The following VPS13B variants were observed in gnomAD, a reference collection of about 807,000 sequenced individuals.
VPS13B encodes the protein intermembrane lipid transfer protein VPS13B.
In VPS13B, 285 loss-of-function variants were observed where a neutral mutation model predicts 426.4. That is an observed-to-expected ratio of 0.67 (90% CI 0.61 to 0.74). The LOEUF (loss-of-function observed/expected upper bound fraction) is 0.74, where lower values mean the gene tolerates loss of function less well. Among genes scored for constraint, VPS13B ranks in the 30% least tolerant of loss-of-function variants. VPS13B has a pLI of 0.00. For missense variants in VPS13B, 4,537 were observed against 4,782.6 expected, an observed-to-expected ratio of 0.95 and a Z score of 1.51; for synonymous variants, 1,676 against 1,676.4, an observed-to-expected ratio of 1.00 and a Z score of 0.01.
rs766373133 is a variant in VPS13B, at chr8:99,193,014, C to T, written c.2472C>T (p.Ser824=). 7.2e-5 allele frequency: 116 copies of T among 1,613,536 alleles called. No individual in the cohort carries two copies. The highest frequency in any genetic ancestry group is 3.3e-4 in the Middle Eastern group (2 of 6,078). Residue 824 remains serine, a synonymous_variant, in exon 17 of 62, where the codon TCC becomes TCT. Coordinates refer to ENST00000357162, the MANE Select transcript of VPS13B (RefSeq NM_152564.5). ...CTCATCTTGGAAATGTCAGCTCTTC[C>T]GCAGTGATTGAAGCTTTGATAAATG... is the stretch of plus-strand genomic sequence containing the variant. ...SWSHLGNVSS[S]AVIEALINEI...
intron 39 of VPS13B, among the ~76,000 whole-genome samples, chr8:99,756,148 A>G (rs1051756168): frequency 2.0e-5 from 3 of 152,206 alleles, no homozygotes; most frequent in Non-Finnish European, 4.4e-5. Flanking sequence ...TAATAATGAG[A>G]TTGAAACAAT....
At chr8:99,451,400 G>C (rs1818191480) in intron 23 of VPS13B, among the ~76,000 whole-genome samples, 1 of 152,160 alleles carries the variant, frequency 6.6e-6, no homozygotes, top group Non-Finnish European at 1.5e-5. Flanking sequence ...ATACAGATTT[G>C]AACAAGACAG....
At chr8:99,683,032 T>G (rs1831218588) in intron 35 of VPS13B, among the ~76,000 whole-genome samples, 2 of 152,244 alleles carry the variant, frequency 1.3e-5, no homozygotes, top group Non-Finnish European at 2.9e-5. Context: ...AGGATTCATT[T>G]TGAGTTAATT....
intron 60 of VPS13B, 155 bp from the exon 61 acceptor site, chr8:99,871,293 A>G: frequency 3.4e-6 from 4 of 1,162,554 alleles, no homozygotes; most frequent in Non-Finnish European, 5.0e-6. Flanking sequence ...AATCAGTCTG[A>G]GAACTGACAA....
intron 19 of VPS13B, among the ~76,000 whole-genome samples, chr8:99,331,775 A>G (rs1244880159): frequency 6.6e-6 from 1 of 151,760 alleles, no homozygotes; most frequent in Non-Finnish European, 1.5e-5. Context: ...TGCTGCAAAA[A>G]TAATGGAATT....
intron 17 of VPS13B, among the ~76,000 whole-genome samples, chr8:99,249,646 A>T (rs987272641): frequency 4.0e-5 from 6 of 151,864 alleles, no homozygotes; most frequent in Admixed American, 3.9e-4. Flanking sequence ...GATGGTCTCG[A>T]TCTCCTGACC....
chr8:99,233,081 G>T, intron 17 of VPS13B: 1 of 1,347,978 alleles, frequency 7.4e-7, no homozygotes, highest in Non-Finnish European at 1.1e-6. Flanking sequence ...ACTCCCTGAG[G>T]GTATTTCTAC....
chr8:99,819,676 A>G (rs1051032591), intron 48 of VPS13B, 94 bp downstream of exon 48: 4 of 1,404,430 alleles, frequency 2.8e-6, no homozygotes, highest in Non-Finnish European at 3.9e-6. Context: ...TGGTGTGTGC[A>G]TGTATCTGTC....
Position 99,592,524 on chromosome 8 carries a change from C to T in VPS13B, c.5220+14891C>T, listed in dbSNP as rs376682855. On this transcript the variant is annotated intron_variant, in intron 33 of 61. Transcript: ENST00000357162. ...TTGGTATGGATGTCCTTTTTGTTGA[C>T]GTTGTTGCTATTCCTTTCTGTTTGT... Among the ~76,000 whole-genome samples the T allele has an allele frequency of 6.6e-5, 10 of 151,770 alleles. No homozygotes were observed. In the East Asian group the frequency reaches 1.2e-3, roughly 18 times the overall value.
intron 33 of VPS13B, among the ~76,000 whole-genome samples, chr8:99,625,368 A>T (rs1172022260): frequency 6.6e-6 from 1 of 152,118 alleles, no homozygotes; most frequent in African/African-American, 2.4e-5. Flanking sequence ...CAAACTCTTC[A>T]CTTTCCCAAA....
At position 99,184,239 on chromosome 8, in the gene VPS13B, C is replaced by T. The variant is rs142497390; in HGVS notation, c.2334-8637C>T. Reference sequence around the variant, plus strand: ...TTCATTTCTCTTGGGTAGATACCTACAGGGGTATGGTTGGATTATATAGTA... The same window carrying T: ...TTCATTTCTCTTGGGTAGATACCTATAGGGGTATGGTTGGATTATATAGTA... On this transcript the variant is annotated intron_variant, in intron 16 of 61. Transcript: ENST00000357162. Among the ~76,000 whole-genome samples the T allele has an allele frequency of 6.8e-3, 1,034 of 152,272 alleles. 10 individuals are homozygous for T. Among genetic ancestry groups the T allele is most frequent in the African/African-American group, 0.024 (1,001 of 41,546 alleles).
chr8:99,523,955 C>G (rs1822513028), intron 30 of VPS13B, among the ~76,000 whole-genome samples: 1 of 151,888 alleles, frequency 6.6e-6, no homozygotes, highest in Non-Finnish European at 1.5e-5. Flanking sequence ...ACAGAGAATT[C>G]AAAATAACCA....
intron 3 of VPS13B, among the ~76,000 whole-genome samples, chr8:99,078,984 C>T (rs1458170736): frequency 6.6e-6 from 1 of 152,022 alleles, no homozygotes; most frequent in Non-Finnish European, 1.5e-5. Flanking sequence ...CAGATTCATC[C>T]TCAGGCTGCT....
intron 19 of VPS13B, among the ~76,000 whole-genome samples, chr8:99,380,531 C>G (rs1259178529): frequency 6.6e-6 from 1 of 151,860 alleles, no homozygotes; most frequent in Non-Finnish European, 1.5e-5. Flanking sequence ...GTTGTCTGAG[C>G]ATGCTGCCTA....
chr8:99,860,011 G>C (rs764425793), intron 57 of VPS13B, among the ~76,000 whole-genome samples: 8 of 152,192 alleles, frequency 5.3e-5, no homozygotes, highest in Non-Finnish European at 1.0e-4. Context: ...CTTCCCGCAA[G>C]GACAGTGTTT....
intron 39 of VPS13B, among the ~76,000 whole-genome samples, chr8:99,749,808 A>C (rs1349615334): frequency 6.6e-6 from 1 of 151,688 alleles, no homozygotes; most frequent in Non-Finnish European, 1.5e-5. Flanking sequence ...TTTTGTGAGG[A>C]CCCTCCATAC....
Position 99,586,944 on chromosome 8 carries a change from G to A in VPS13B, c.5220+9311G>A, listed in dbSNP as rs182080348. On this transcript the variant is annotated intron_variant, in intron 33 of 61. Transcript: ENST00000357162. Reference sequence around the variant, plus strand: ...CTGCACGCATTAACTCGTCATTTACGTTAGGTATTACTCCTAATGCTATCC... The same window carrying A: ...CTGCACGCATTAACTCGTCATTTACATTAGGTATTACTCCTAATGCTATCC... Among the ~76,000 whole-genome samples the A allele has an allele frequency of 6.2e-3, 946 of 152,006 alleles. 13 individuals are homozygous for A. The highest frequency in any genetic ancestry group is 0.022 in the African/African-American group (893 of 41,474).
In VPS13B at chr8:99,642,489, A is replaced by C. The variant is rs1391351236; in HGVS notation, c.5899A>C (p.Lys1967Gln). Residue 1967 changes from lysine to glutamine, a missense_variant, in exon 34 of 62, where the codon AAA (lysine) becomes CAA (glutamine). Coordinates refer to ENST00000357162, the MANE Select transcript of VPS13B (RefSeq NM_152564.5). ...GCTTAAAGGGGTGGCCTCTGATTAC[A>C]AATGTATAGGTAAGAACCTTCAAAC... ...AVLKGVASDY[K>Q]CIDPGKTLPE... 6.2e-7 allele frequency: 1 copy of C among 1,612,642 alleles called. No individual in the cohort carries two copies. The highest frequency in any genetic ancestry group is 2.2e-5 in the East Asian group (1 of 44,858).
At chr8:99,801,790 C>T (rs776577164) in intron 43 of VPS13B, among the ~76,000 whole-genome samples, 21 of 152,066 alleles carry the variant, frequency 1.4e-4, no homozygotes, top group Admixed American at 8.5e-4. Flanking sequence ...TTTTCTGTAC[C>T]TACCATGTGT....
Sources: gnomAD v4.1 joint callset for allele counts (sites outside exome capture counted in the v4.1 genomes callset) on GRCh38, gnomAD v4.1.1 for gene constraint, MANE v1.5 for transcripts, NCBI Gene and HGNC (gene_info 2026-07-23, HGNC 2026-07-21) for gene names.